Variants in TGM3 observed in about 807,000 individuals in gnomAD.
The protein encoded by TGM3 is transglutaminase 3.
Under a neutral mutation model 73.8 loss-of-function variants are expected in TGM3, and 52 were observed. That is an observed-to-expected ratio of 0.70 (90% CI 0.56 to 0.89). TGM3 has a LOEUF of 0.89. TGM3 is among the 40% of genes least tolerant of loss of function. The probability of loss-of-function intolerance (pLI) is 0.00; values close to 1 mark genes in which losing one functional copy is unlikely to be tolerated. For synonymous variants in TGM3, 372 were observed against 354.9 expected, an observed-to-expected ratio of 1.05 and a Z score of -0.54; for missense variants, 928 against 909.9, an observed-to-expected ratio of 1.02 and a Z score of -0.26.
At chr20:2,309,634 A>G (rs1276379884) in intron 1 of TGM3, 23 bp from the exon 2 acceptor site, 2 of 1,612,038 alleles carry the variant, frequency 1.2e-6, no homozygotes, top group Non-Finnish European at 1.7e-6. Flanking sequence ...CTAGGACTTC[A>G]GGTTCTCCTT....
rs1471559749 is a variant in TGM3, at chr20:2,326,011, C to T, written c.1087+59C>T. The T allele has an allele frequency of 2.0e-6, 3 of 1,505,424 alleles. No individual in the cohort carries two copies. In the African/African-American group the frequency reaches 4.1e-5, roughly 21 times the overall value. 93.3% of individuals were successfully genotyped at this position (1,505,424 alleles called of 1,614,324 possible). The stretch of plus-strand genomic sequence containing the variant: ...CCTCACAGTTATTTACAGCCATGGA[C>T]AGCAGCATAGGGAAGTAACTCCAAA... On this transcript the variant is annotated intron_variant, in intron 8 of 12. Coordinates refer to ENST00000381458, the MANE Select transcript of TGM3 (RefSeq NM_003245.4).
At chr20:2,296,807 G>A (rs1377486270) in intron 1 of TGM3, among the ~76,000 whole-genome samples, 1 of 152,192 alleles carries the variant, frequency 6.6e-6, no homozygotes, top group East Asian at 1.9e-4. Context: ...CCCCTGCTAA[G>A]CAGCATGCTA....
At chr20:2,337,685 A>G (rs1017602869) in intron 11 of TGM3, among the ~76,000 whole-genome samples, 1 of 151,172 alleles carries the variant, frequency 6.6e-6, no homozygotes, top group African/African-American at 2.4e-5. Flanking sequence ...ACACCACTGC[A>G]CTCCAGCCTG....
chr20:2,340,766 AC>A lies in TGM3; in HGVS notation c.*188del. On this transcript the variant is annotated 3_prime_UTR_variant, in exon 13 of 13. Coordinates refer to ENST00000381458, the MANE Select transcript of TGM3 (RefSeq NM_003245.4). ...TCTCCCCCAGGTTGGGGCTGGGTCC[AC>A]CCTGTCCTATGACTTGATCACTTTT... 4 of 784,644 alleles carry A rather than the reference AC, an allele frequency of 5.1e-6. No homozygotes were observed. The highest frequency in any genetic ancestry group is 1.7e-5 in the African/African-American group (1 of 58,606). 48.6% of individuals were successfully genotyped at this position (784,644 alleles called of 1,614,324 possible). A position where few individuals can be genotyped will look rare whatever the true frequency, so the allele number is the denominator to read the frequency against.
At chr20:2,304,627 T>A (rs1325557384) in intron 1 of TGM3, among the ~76,000 whole-genome samples, 2 of 152,098 alleles carry the variant, frequency 1.3e-5, no homozygotes, top group East Asian at 3.8e-4. Context: ...TAAGTCCTGG[T>A]GAAAAGGAAA....
At chr20:2,303,796 G>GA (rs5839948) in intron 1 of TGM3, among the ~76,000 whole-genome samples, 19,849 of 151,888 alleles carry the variant, frequency 0.13, 1,354 homozygotes, top group Middle Eastern at 0.25. Context: ...ATGTTCTCAG[G>GA]AAAAAAAATC....
chr20:2,335,044 CAT>C, intron 10 of TGM3, 70 bp from the exon 11 acceptor site: 1 of 1,572,810 alleles, frequency 6.4e-7, no homozygotes, highest in Non-Finnish European at 8.7e-7. Context: ...CTTGGCTTGG[CAT>C]CTGTTCTGAG....
At chr20:2,303,567 C>T (rs185304042) in intron 1 of TGM3, among the ~76,000 whole-genome samples, 1 of 152,088 alleles carries the variant, frequency 6.6e-6, no homozygotes, top group East Asian at 1.9e-4. Context: ...AATTTTACCT[C>T]GATTTTTTAA....
chr20:2,301,781 A>G (rs1279303446), intron 1 of TGM3, among the ~76,000 whole-genome samples: 1 of 151,756 alleles, frequency 6.6e-6, no homozygotes, highest in African/African-American at 2.4e-5. Context: ...GCCCACTGCA[A>G]CCTCCACCTC....
intron 1 of TGM3, among the ~76,000 whole-genome samples, chr20:2,300,534 G>C (rs538448227): frequency 6.6e-6 from 1 of 152,308 alleles, no homozygotes; most frequent in African/African-American, 2.4e-5. Context: ...AGTCATTGCT[G>C]CCTTGGTTGG....
At chr20:2,312,868 A>G in intron 4 of TGM3, 30 bp from the exon 5 acceptor site, 1 of 1,612,230 alleles carries the variant, frequency 6.2e-7, no homozygotes, top group African/African-American at 1.3e-5. Flanking sequence ...TCATTTCTTT[A>G]ATTGTAATGT....
intron 7 of TGM3, among the ~76,000 whole-genome samples, chr20:2,324,265 A>G (rs2084275722): frequency 6.6e-6 from 1 of 151,190 alleles, no homozygotes; most frequent in Non-Finnish European, 1.5e-5. Flanking sequence ...ATCTCTTTTC[A>G]TTAGTTATGA....
rs752355035 is a variant in TGM3 at position 2,325,896 on chromosome 20, G to A, written c.1031G>A (p.Gly344Asp). ...NEGWFVRSDL[G>D]PSYGGWQVLD... ...GGCTGGTTTGTGAGGTCTGACCTGG[G>A]CCCCTCGTACGGTGGATGGCAGGTG... The change falls in exon 8 of 13, where the codon GGC becomes GAC. Residue 344 changes from glycine to aspartate, a missense_variant. By Grantham distance (94) the Gly-to-Asp change is moderately conservative. Coordinates refer to ENST00000381458, the MANE Select transcript of TGM3 (RefSeq NM_003245.4). The A allele has an allele frequency of 6.3e-7, 1 of 1,590,104 alleles. No individual in the cohort carries two copies. The highest frequency in any genetic ancestry group is 8.6e-7 in the Non-Finnish European group (1 of 1,167,144).
intron 1 of TGM3, among the ~76,000 whole-genome samples, chr20:2,302,419 G>A (rs1016527753): frequency 2.0e-5 from 3 of 152,028 alleles, no homozygotes; most frequent in South Asian, 2.1e-4. Flanking sequence ...GTGATTAACA[G>A]TGAACCCCCC....
At chr20:2,331,052 A>C (rs922195132) in intron 9 of TGM3, among the ~76,000 whole-genome samples, 4 of 151,782 alleles carry the variant, frequency 2.6e-5, no homozygotes, top group Admixed American at 6.6e-5. Flanking sequence ...ATAAAAAAAG[A>C]AAAGAAAGTC....
intron 10 of TGM3, 73 bp from the exon 11 acceptor site, chr20:2,335,043 G>A: frequency 6.4e-7 from 1 of 1,568,404 alleles, no homozygotes; most frequent in African/African-American, 1.3e-5. Flanking sequence ...CCTTGGCTTG[G>A]CATCTGTTCT....
chr20:2,311,272 G>A, intron 4 of TGM3, 143 bp downstream of exon 4: 1 of 687,396 alleles, frequency 1.5e-6, no homozygotes, highest in South Asian at 1.7e-5. Flanking sequence ...GACTTTCATT[G>A]GCCACCTATT....
chr20:2,327,313 A>G (rs1800471297), intron 8 of TGM3, among the ~76,000 whole-genome samples: 1 of 147,348 alleles, frequency 6.8e-6, no homozygotes, highest in African/African-American at 2.7e-5. Flanking sequence ...TACTAAAATT[A>G]CAAAAAAAAA....
intron 7 of TGM3, among the ~76,000 whole-genome samples, chr20:2,318,768 A>G (rs577360199): frequency 6.6e-6 from 1 of 152,226 alleles, no homozygotes; most frequent in Non-Finnish European, 1.5e-5. Flanking sequence ...TGTATTACTT[A>G]TCATTCCCAG....
Sources: allele counts gnomAD v4.1 joint callset (sites outside exome capture counted in the v4.1 genomes callset), GRCh38; gene constraint gnomAD v4.1.1; transcripts MANE v1.5; gene names NCBI Gene and HGNC (gene_info 2026-07-23, HGNC 2026-07-21).